The following PARD3 variants were observed in gnomAD, a reference collection of about 807,000 sequenced individuals.
PARD3 encodes par-3 family cell polarity regulator.
A neutral mutation model predicts 155.4 loss-of-function variants in PARD3; 75 were observed. The observed-to-expected ratio is 0.48, with a 90% confidence interval of 0.40 to 0.58. PARD3 has a LOEUF of 0.58. PARD3 is among the 20% of genes least tolerant of loss of function. The probability of loss-of-function intolerance (pLI) is 0.00; values close to 1 mark genes in which losing one functional copy is unlikely to be tolerated. For missense variants in PARD3, 1,642 were observed against 1,721.7 expected, an observed-to-expected ratio of 0.95 and a Z score of 0.82; for synonymous variants, 576 against 610.5, an observed-to-expected ratio of 0.94 and a Z score of 0.83.
At chr10:34,230,385 G>A (rs867317917) in intron 22 of PARD3, among the ~76,000 whole-genome samples, 7 of 152,118 alleles carry the variant, frequency 4.6e-5, no homozygotes, top group East Asian at 1.9e-4. Context: ...GGCAGATTCC[G>A]TTCTAAACTC....
intron 12 of PARD3, among the ~76,000 whole-genome samples, chr10:34,364,649 G>A (rs1489987580): frequency 6.6e-6 from 1 of 152,064 alleles, no homozygotes; most frequent in Non-Finnish European, 1.5e-5. Context: ...GCCCATGCTG[G>A]TCTCAAACTC....
intron 2 of PARD3, among the ~76,000 whole-genome samples, chr10:34,645,331 CAG>C (rs1477880757): frequency 2.6e-5 from 4 of 151,864 alleles, no homozygotes; most frequent in Admixed American, 2.0e-4. Flanking sequence ...TCAGCCTCCC[CAG>C]TAGCTGGAAT....
At chr10:34,408,536 A>C (rs1403760466) in intron 5 of PARD3, among the ~76,000 whole-genome samples, 1 of 152,188 alleles carries the variant, frequency 6.6e-6, no homozygotes, top group Non-Finnish European at 1.5e-5. Flanking sequence ...TCTGTTTCCA[A>C]GTCTCCTAGG....
intron 1 of PARD3, among the ~76,000 whole-genome samples, chr10:34,757,937 T>C (rs1166732875): frequency 1.3e-5 from 2 of 152,230 alleles, no homozygotes; most frequent in African/African-American, 4.8e-5. Context: ...CTCTTCTAGA[T>C]AAACCTGCAT....
chr10:34,244,239 T>A (rs1953793979), intron 22 of PARD3, among the ~76,000 whole-genome samples: 1 of 152,208 alleles, frequency 6.6e-6, no homozygotes. Context: ...AATTTGAAAC[T>A]AATTGAAGTA....
At chr10:34,483,308 C>A (rs941915473) in intron 3 of PARD3, among the ~76,000 whole-genome samples, 1 of 151,942 alleles carries the variant, frequency 6.6e-6, no homozygotes, top group Admixed American at 6.6e-5. Context: ...ATAGTGAGAC[C>A]TCGTCTCTAC....
At chr10:34,392,278 G>A (rs1051214520) in intron 7 of PARD3, among the ~76,000 whole-genome samples, 1 of 150,950 alleles carries the variant, frequency 6.6e-6, no homozygotes, top group African/African-American at 2.4e-5. Context: ...TAAATAAAGA[G>A]GGGAAAAGTC....
At chr10:34,460,324 TCTAA>T (rs1369937905) in intron 4 of PARD3, among the ~76,000 whole-genome samples, 5 of 152,088 alleles carry the variant, frequency 3.3e-5, no homozygotes, top group African/African-American at 1.2e-4. Context: ...AAAAACACAA[TCTAA>T]CTAAAGTCGA....
At chr10:34,808,658 A>C (rs1299274765) in intron 1 of PARD3, among the ~76,000 whole-genome samples, 2 of 152,114 alleles carry the variant, frequency 1.3e-5, no homozygotes, top group Admixed American at 1.3e-4. Context: ...AAAAATACCG[A>C]GGGCTCTAAT....
At chr10:34,715,253 T>A (rs2094503466) in intron 1 of PARD3, among the ~76,000 whole-genome samples, 1 of 151,926 alleles carries the variant, frequency 6.6e-6, no homozygotes, top group Admixed American at 6.6e-5. Flanking sequence ...CATTTTTAAA[T>A]TTTTTGTAGA....
chr10:34,253,559 T>C (rs1954456013), intron 22 of PARD3, among the ~76,000 whole-genome samples: 1 of 152,192 alleles, frequency 6.6e-6, no homozygotes, highest in Non-Finnish European at 1.5e-5. Context: ...CATCTCTTCA[T>C]GGCCTGGCTC....
intron 1 of PARD3, among the ~76,000 whole-genome samples, chr10:34,711,600 T>C (rs1342982553): frequency 6.6e-6 from 1 of 152,206 alleles, no homozygotes; most frequent in Non-Finnish European, 1.5e-5. Flanking sequence ...TTTTTTACTC[T>C]AGATAAGGTC....
intron 5 of PARD3, among the ~76,000 whole-genome samples, chr10:34,425,694 T>C (rs1201337623): frequency 2.0e-5 from 3 of 152,182 alleles, no homozygotes; most frequent in Admixed American, 6.5e-5. Flanking sequence ...CCTGTGAAAA[T>C]AGGTGGCGCT....
chr10:34,565,260 CTTTTTTTTT>C lies in PARD3; in HGVS notation c.223-48110_223-48102del, dbSNP rs59606413. ...TCAGATAAAAGACAAAGGAGCAAGG[CTTTTTTTTT>C]TTTTTTTTTTTTTTTTTTGAGACAG... On this transcript the variant is annotated intron_variant, in intron 2 of 24. Transcript: ENST00000374788. 7.5e-3 allele frequency among the ~76,000 whole-genome samples: 297 copies of C among 39,662 alleles called. 3 individuals carry two copies. The highest frequency in any genetic ancestry group is 0.03 in the African/African-American group (275 of 9,056). The allele number at this position is 39,662 out of a possible 152,430, so 26.0% of individuals were successfully genotyped here. A position where few individuals can be genotyped will look rare whatever the true frequency, so the allele number is the denominator to read the frequency against.
chr10:34,151,146 G>A (rs1442508948), intron 22 of PARD3, among the ~76,000 whole-genome samples: 4 of 148,896 alleles, frequency 2.7e-5, no homozygotes, highest in Non-Finnish European at 5.9e-5. Flanking sequence ...CTTTCCAAAC[G>A]AACAAACAAA....
chr10:34,167,593 T>C (rs1949594727), intron 22 of PARD3, among the ~76,000 whole-genome samples: 1 of 87,968 alleles, frequency 1.1e-5, no homozygotes, highest in Admixed American at 1.1e-4. Flanking sequence ...AAAGGTAATA[T>C]TTAGGTATAT....
intron 22 of PARD3, among the ~76,000 whole-genome samples, chr10:34,252,616 C>T (rs1453461707): frequency 6.6e-6 from 1 of 152,108 alleles, no homozygotes; most frequent in Admixed American, 6.5e-5. Context: ...CATCCCGACA[C>T]AGTGGAGTTT....
At chr10:34,558,142 G>A (rs935738037) in intron 2 of PARD3, among the ~76,000 whole-genome samples, 2 of 151,886 alleles carry the variant, frequency 1.3e-5, no homozygotes, top group African/African-American at 4.8e-5. Context: ...CACTTTGCAT[G>A]TGGACTGCAC....
At chr10:34,343,069 CA>C (rs1260214254) in intron 15 of PARD3, among the ~76,000 whole-genome samples, 1 of 152,216 alleles carries the variant, frequency 6.6e-6, no homozygotes, top group East Asian at 1.9e-4. Context: ...ACCTGTTCAG[CA>C]AAAGTGTCAT....
Sources: allele counts gnomAD v4.1 joint callset (sites outside exome capture counted in the v4.1 genomes callset), GRCh38; gene constraint gnomAD v4.1.1; transcripts MANE v1.5; gene names NCBI Gene and HGNC (gene_info 2026-07-23, HGNC 2026-07-21).